ARMH3: variants seen among roughly 807,000 people sequenced by gnomAD.
ARMH3 encodes armadillo like helical domain containing 3.
Under a neutral mutation model 99.1 loss-of-function variants are expected in ARMH3, and 60 were observed. That is an observed-to-expected ratio of 0.61 (90% CI 0.49 to 0.75). The LOEUF (loss-of-function observed/expected upper bound fraction) is 0.75, where lower values mean the gene tolerates loss of function less well. ARMH3 is among the 30% of genes least tolerant of loss of function. ARMH3 has a pLI of 0.00. For missense variants in ARMH3, 679 were observed against 843.1 expected, an observed-to-expected ratio of 0.81 and a Z score of 2.41; for synonymous variants, 285 against 292.8, an observed-to-expected ratio of 0.97 and a Z score of 0.27.
intron 11 of ARMH3, among the ~76,000 whole-genome samples, chr10:102,010,231 T>TAC (rs1278712036): frequency 6.6e-6 from 1 of 152,216 alleles, no homozygotes; most frequent in Non-Finnish European, 1.5e-5. Context: ...ATGAGAATCC[T>TAC]ACTAAATCAT....
At chr10:101,953,278 C>G (rs1193655433) in intron 22 of ARMH3, among the ~76,000 whole-genome samples, 1 of 152,146 alleles carries the variant, frequency 6.6e-6, no homozygotes. Context: ...CATAAGCATG[C>G]ACTGCCACAC....
chr10:101,907,738 G>C (rs1005106605), intron 23 of ARMH3, among the ~76,000 whole-genome samples: 1 of 152,112 alleles, frequency 6.6e-6, no homozygotes, highest in African/African-American at 2.4e-5. Context: ...GAAATAGCTG[G>C]GAATCTATTA....
At chr10:102,002,758 C>G (rs928478039) in intron 14 of ARMH3, among the ~76,000 whole-genome samples, 1 of 151,738 alleles carries the variant, frequency 6.6e-6, no homozygotes, top group African/African-American at 2.4e-5. Flanking sequence ...GTCAGGAGTT[C>G]GAGGTCAGCC....
At chr10:101,864,106 C>CAAAA (rs1429050897) in intron 24 of ARMH3, among the ~76,000 whole-genome samples, 1 of 143,424 alleles carries the variant, frequency 7.0e-6, no homozygotes, top group Non-Finnish European at 1.5e-5. Flanking sequence ...CACACACACA[C>CAAAA]AAAAACCAGA....
chr10:101,904,688 T>A (rs2068061266), intron 23 of ARMH3, among the ~76,000 whole-genome samples: 1 of 151,134 alleles, frequency 6.6e-6, no homozygotes, highest in African/African-American at 2.4e-5. Flanking sequence ...GCATGGTGGC[T>A]CATGCCTGTA....
intron 24 of ARMH3, among the ~76,000 whole-genome samples, chr10:101,888,060 T>A (rs201361469): frequency 7.6e-6 from 1 of 131,992 alleles, no homozygotes; most frequent in Admixed American, 7.4e-5. Context: ...AAATGTCTCC[T>A]TTTTTTTTTT....
intron 23 of ARMH3, among the ~76,000 whole-genome samples, chr10:101,931,694 G>C (rs943626295): frequency 1.3e-5 from 2 of 152,082 alleles, no homozygotes; most frequent in African/African-American, 4.8e-5. Flanking sequence ...GAGGCAGGAG[G>C]ATCAATTGAG....
At chr10:102,012,154 G>T (rs1316502345) in intron 10 of ARMH3, among the ~76,000 whole-genome samples, 2 of 152,186 alleles carry the variant, frequency 1.3e-5, no homozygotes, top group Non-Finnish European at 2.9e-5. Context: ...GAGGAGGAAG[G>T]AAATCAGTAA....
intron 13 of ARMH3, among the ~76,000 whole-genome samples, chr10:102,007,514 C>T (rs2066526414): frequency 6.6e-6 from 1 of 151,334 alleles, no homozygotes; most frequent in African/African-American, 2.4e-5. Flanking sequence ...AAGGGGATAC[C>T]AGGTACTATA....
intron 24 of ARMH3, among the ~76,000 whole-genome samples, chr10:101,863,040 C>T (rs1371933673): frequency 6.6e-6 from 1 of 151,900 alleles, no homozygotes; most frequent in Non-Finnish European, 1.5e-5. Flanking sequence ...CCTGTCTCTA[C>T]TAAAATTACA....
At chr10:101,937,519 CAAAAA>C (rs1231569417) in intron 23 of ARMH3, among the ~76,000 whole-genome samples, 1 of 92,668 alleles carries the variant, frequency 1.1e-5, no homozygotes, top group Admixed American at 1.2e-4. Flanking sequence ...ACCCTGTCTC[CAAAAA>C]AAAAAAAAAA....
chr10:101,935,198 T>TAC (rs981547834), intron 23 of ARMH3, among the ~76,000 whole-genome samples: 11 of 141,222 alleles, frequency 7.8e-5, no homozygotes, highest in Admixed American at 7.0e-4. Flanking sequence ...TATATATATA[T>TAC]ACATTTTTTG....
Position 102,040,141 on chromosome 10 carries a change from C to T in ARMH3, c.-11-16G>A. 6.3e-7 allele frequency: 1 copy of T among 1,588,940 alleles called. No individual in the cohort carries two copies. Among genetic ancestry groups the T allele is most frequent in the Non-Finnish European group, 8.6e-7 (1 of 1,157,134 alleles). On this transcript the variant is annotated splice_polypyrimidine_tract_variant and intron_variant, in intron 1 of 25. Coordinates refer to ENST00000370033, the MANE Select transcript of ARMH3 (RefSeq NM_024541.3). ...GTTAGAGAATCTGTGAACAGAAAGT[C>T]ACATTTTAGAATAGTGAAAATACTC...
chr10:101,990,667 T>C, intron 18 of ARMH3, 56 bp from the exon 19 acceptor site: 8 of 1,437,274 alleles, frequency 5.6e-6, no homozygotes, highest in Non-Finnish European at 7.8e-6. Context: ...ATTTCTTGTC[T>C]TTGAGTTGGA....
At chr10:101,950,683 A>G (rs1398994605) in intron 22 of ARMH3, among the ~76,000 whole-genome samples, 2 of 152,250 alleles carry the variant, frequency 1.3e-5, no homozygotes, top group Non-Finnish European at 2.9e-5. Context: ...ATTCAAAATA[A>G]AAGAAGCCAG....
chr10:101,887,592 C>CTT (rs34624064), intron 24 of ARMH3, among the ~76,000 whole-genome samples: 969 of 96,922 alleles, frequency 1.0e-2, no homozygotes, highest in Non-Finnish European at 0.013. Context: ...CTCTCTCTCT[C>CTT]TTTTTTTTTT....
At chr10:102,053,682 G>T (rs2067765977) in intron 1 of ARMH3, among the ~76,000 whole-genome samples, 1 of 148,604 alleles carries the variant, frequency 6.7e-6, no homozygotes, top group Non-Finnish European at 1.5e-5. Context: ...TTTTTTGAGA[G>T]GGAGTCTCGC....
At chr10:101,976,811 G>C (rs1042193778) in intron 19 of ARMH3, among the ~76,000 whole-genome samples, 10 of 151,954 alleles carry the variant, frequency 6.6e-5, no homozygotes, top group African/African-American at 1.9e-4. Context: ...CACCATAGCC[G>C]GCTAATTTTT....
chr10:102,035,461 C>T (rs2136220712), intron 2 of ARMH3, among the ~76,000 whole-genome samples: 1 of 152,378 alleles, frequency 6.6e-6, no homozygotes. Flanking sequence ...CGAGCCGAAG[C>T]TGGACTGTAC....
Sources: allele counts gnomAD v4.1 joint callset (sites outside exome capture counted in the v4.1 genomes callset), GRCh38; gene constraint gnomAD v4.1.1; transcripts MANE v1.5; gene names NCBI Gene and HGNC (gene_info 2026-07-23, HGNC 2026-07-21).